The following LOXHD1 variants were observed in gnomAD, a reference collection of about 807,000 sequenced individuals.
LOXHD1 encodes lipoxygenase homology domain-containing protein 1.
Under a neutral mutation model 248.2 loss-of-function variants are expected in LOXHD1, and 205 were observed. The observed-to-expected ratio is 0.83, with a 90% CI of 0.74 to 0.93. The LOEUF is 0.93. Ranked by LOEUF, LOXHD1 falls within the 40% of genes least tolerant of loss-of-function variation. LOXHD1 has a pLI of 0.00. For missense variants in LOXHD1, 2,930 were observed against 2,971.6 expected (o/e 0.99, Z 0.33); for synonymous variants, 1,113 against 1,162.8 (o/e 0.96, Z 0.87).
intron 32 of LOXHD1, 123 bp from the exon 33 acceptor site, chr18:46,521,405 TC>T: frequency 1.8e-6 from 2 of 1,092,140 alleles, no homozygotes; most frequent in Non-Finnish European, 2.7e-6. Flanking sequence ...CCCAGGTCCC[TC>T]CCATGAAGGT....
At position 46,524,594 on chromosome 18, in the gene LOXHD1, G is replaced by A. The variant is rs547104830; in HGVS notation, c.4748C>T (p.Thr1583Ile). The A allele has an allele frequency of 1.9e-6, 3 of 1,551,604 alleles. No homozygotes were observed. The highest frequency in any genetic ancestry group is 2.0e-5 in the Admixed American group (1 of 50,986). Reference sequence around the variant, plus strand: ...GCTGCAGTTGCTGCTGCGGTCCCCAGTGTACTCCTGTGTGGGAGAGCAGGA... The same window carrying A: ...GCTGCAGTTGCTGCTGCGGTCCCCAATGTACTCCTGTGTGGGAGAGCAGGA... ...LERLFYEKEY[T>I]GDRSSNCSSP... Residue 1583 changes from threonine to isoleucine, a missense_variant, in exon 31 of 41, where the codon ACT (threonine) becomes ATT (isoleucine). Thr to Ile is a moderately conservative substitution (Grantham distance 89). Transcript: ENST00000642948.
intron 37 of LOXHD1, among the ~76,000 whole-genome samples, chr18:46,496,112 CA>C (rs1465360475): frequency 6.6e-6 from 1 of 152,014 alleles, no homozygotes; most frequent in East Asian, 1.9e-4. Context: ...CCCCAGCAAC[CA>C]AAAAGAAAAA....
At chr18:46,483,238 C>T (rs1343776570) in intron 40 of LOXHD1, among the ~76,000 whole-genome samples, 2 of 152,114 alleles carry the variant, frequency 1.3e-5, no homozygotes, top group African/African-American at 2.4e-5. Context: ...AACTGTGTTT[C>T]TTTGTCATTT....
chr18:46,521,074 C>A, intron 33 of LOXHD1, 23 bp downstream of exon 33: 3 of 1,550,032 alleles, frequency 1.9e-6, no homozygotes, highest in Non-Finnish European at 2.6e-6. Flanking sequence ...CCATGCACTG[C>A]ACACTCACAG....
In LOXHD1 at chr18:46,634,952, T is replaced by A. The variant is rs1423396538; in HGVS notation, c.511+4664A>T. Among the ~76,000 whole-genome samples, 6 of 152,342 alleles carry A rather than the reference T, an allele frequency of 3.9e-5. No homozygotes were observed. The South Asian group carries it at 1.2e-3, about 32-fold the overall frequency. On this transcript the variant is annotated intron_variant, in intron 4 of 40. Coordinates refer to ENST00000642948, the MANE Select transcript of LOXHD1 (RefSeq NM_001384474.1). ...GGTGAAGGTGGCAAATTTTATGTTA[T>A]GCATATTTTACCACAATTTTTTTTT...
chr18:46,490,316 A>C (rs1468740933), intron 37 of LOXHD1, among the ~76,000 whole-genome samples: 1 of 152,252 alleles, frequency 6.6e-6, no homozygotes, highest in African/African-American at 2.4e-5. Flanking sequence ...GTTAAGGCTC[A>C]GCAGGGAATA....
At chr18:46,560,612 G>A (rs962245917) in intron 18 of LOXHD1, 67 bp from the exon 19 acceptor site, 18 of 1,377,294 alleles carry the variant, frequency 1.3e-5, no homozygotes, top group East Asian at 2.6e-5. Flanking sequence ...CAACACCCCC[G>A]CCCAACAAAG....
chr18:46,521,310 C>T (rs549999035), intron 32 of LOXHD1, 28 bp from the exon 33 acceptor site: 55 of 1,551,074 alleles, frequency 3.5e-5, no homozygotes, highest in South Asian at 7.1e-5. Flanking sequence ...TGATCTGTGA[C>T]GATCTGGGCA....
rs1400611613 is a variant in LOXHD1 at position 46,657,070 on chromosome 18, CTG to C, written c.-39_-38del. The C allele has an allele frequency of 1.3e-6, 2 of 1,551,260 alleles. No individual in the cohort carries two copies. The highest frequency in any genetic ancestry group is 1.7e-6 in the Non-Finnish European group (2 of 1,146,824). ...CCTTCTCCCAGCGCTCGCAGGCTCA[CTG>C]TGCCGCCTCCTCACACCTGCGGGAA... On this transcript the variant is annotated 5_prime_UTR_variant, in exon 1 of 41. Coordinates refer to ENST00000642948, the MANE Select transcript of LOXHD1 (RefSeq NM_001384474.1).
At position 46,529,341 on chromosome 18, in the gene LOXHD1, T is replaced by G. The variant is rs1297152895; in HGVS notation, c.4376-10A>C. The G allele has an allele frequency of 2.0e-6, 3 of 1,528,530 alleles. No individual in the cohort carries two copies. The South Asian group carries it at 3.7e-5, about 19-fold the overall frequency. The allele number at this position is 1,528,530 out of a possible 1,614,324, so 94.7% of individuals were successfully genotyped here. A position where few individuals can be genotyped will look rare whatever the true frequency, so the allele number is the denominator to read the frequency against. ...ACCGAGTACAGCACAACTGGGCAGG[T>G]GGTGGGACAGACAGACAGACAAAGG... On this transcript the variant is annotated splice_polypyrimidine_tract_variant and intron_variant, in intron 28 of 40. Transcript: ENST00000642948.
Position 46,546,992 on chromosome 18 carries a change from C to T in LOXHD1, c.3417G>A (p.Leu1139=), listed in dbSNP as rs763282676. ...GCACATAGGACTCATCCACTGGCAA[C>T]AGCTCCCTGGACAGCTGGCCATCAT... The part of the protein sequence containing the change: ...EEDDGQLSRE[L]LPVDESYVLP... The change falls in exon 22 of 41, where the codon CTG becomes CTA. Residue 1139 remains leucine (L), a synonymous_variant. Transcript: ENST00000642948. The T allele has an allele frequency of 2.6e-6, 4 of 1,551,774 alleles. No individual in the cohort carries two copies. In the South Asian group the frequency reaches 4.8e-5, roughly 18 times the overall value.
intron 3 of LOXHD1, among the ~76,000 whole-genome samples, chr18:46,641,522 T>G (rs1437354050): frequency 6.6e-6 from 1 of 152,182 alleles, no homozygotes; most frequent in Non-Finnish European, 1.5e-5. Flanking sequence ...TGTGTGCCAG[T>G]TACTGTTCCA....
At chr18:46,649,466 C>T (rs1471427652) in intron 1 of LOXHD1, among the ~76,000 whole-genome samples, 197 bp from the exon 2 acceptor site, 4 of 152,320 alleles carry the variant, frequency 2.6e-5, no homozygotes, top group Middle Eastern at 3.4e-3. Context: ...CACATTTAAA[C>T]CATGCACTCG....
At chr18:46,510,898 G>A (rs535945229) in intron 34 of LOXHD1, among the ~76,000 whole-genome samples, 1 of 152,320 alleles carries the variant, frequency 6.6e-6, no homozygotes, top group East Asian at 1.9e-4. Flanking sequence ...AATGGAAACT[G>A]TAAGGAGGTG....
Position 46,477,642 on chromosome 18 carries a change from T to C in LOXHD1, c.6652A>G (p.Lys2218Glu). Residue 2218 changes from lysine to glutamate, a missense_variant, in exon 41 of 41, where the codon AAG (lysine) becomes GAG (glutamate). Lys to Glu is a moderately conservative substitution (Grantham distance 56). Coordinates refer to ENST00000642948, the MANE Select transcript of LOXHD1 (RefSeq NM_001384474.1). ...LETLELGELR[K>E]VRLEHDSSGY... is the part of the protein sequence containing the mutation. ...CTGCTGTCGTGCTCCAGGCGCACCT[T>C]GCGCAGCTCACCCAGCTCCAGCGTC... 1 of 1,551,800 alleles carries C rather than the reference T, an allele frequency of 6.4e-7. No homozygotes were observed. The highest frequency in any genetic ancestry group is 8.7e-7 in the Non-Finnish European group (1 of 1,147,022).
At chr18:46,624,346 A>AG (rs1191077543) in intron 4 of LOXHD1, among the ~76,000 whole-genome samples, 1 of 152,098 alleles carries the variant, frequency 6.6e-6, no homozygotes, top group Non-Finnish European at 1.5e-5. Context: ...GTGGGAGATG[A>AG]GGGGGAATGT....
At chr18:46,550,040 T>C (rs1431085745) in intron 21 of LOXHD1, among the ~76,000 whole-genome samples, 1 of 152,218 alleles carries the variant, frequency 6.6e-6, no homozygotes, top group Non-Finnish European at 1.5e-5. Flanking sequence ...TAGCACAATC[T>C]CATTTAATCA....
chr18:46,534,421 T>C lies in LOXHD1; in HGVS notation c.4126A>G (p.Ile1376Val). ...CCCGTGTTATTATGGCCAATCCGAA[T>C]TTTTTCAATGATTTCTCCCACATCT... Reference protein sequence around the residue: ...LEDVGEIIEKIRIGHNNTGMN... With the variant: ...LEDVGEIIEKVRIGHNNTGMN... Residue 1376 changes from isoleucine to valine, a missense_variant, in exon 27 of 41, where the codon ATT becomes GTT. Physicochemically the swap from Ile to Val is conservative, Grantham distance 29. Transcript: ENST00000642948. 6.4e-7 allele frequency: 1 copy of C among 1,551,668 alleles called. No individual in the cohort carries two copies. The highest frequency in any genetic ancestry group is 8.7e-7 in the Non-Finnish European group (1 of 1,146,944).
intron 4 of LOXHD1, among the ~76,000 whole-genome samples, chr18:46,624,127 T>A (rs2038706059): frequency 6.6e-6 from 1 of 152,182 alleles, no homozygotes; most frequent in East Asian, 1.9e-4. Flanking sequence ...TTAGCTATTT[T>A]AGCAGGTGAG....
Sources: allele counts gnomAD v4.1 joint callset (sites outside exome capture counted in the v4.1 genomes callset), GRCh38; gene constraint gnomAD v4.1.1; transcripts MANE v1.5; gene names NCBI Gene and HGNC (gene_info 2026-07-23, HGNC 2026-07-21).